SYNE1: variants seen among roughly 807,000 people sequenced by gnomAD.
SYNE1 encodes the protein nesprin-1.
A neutral mutation model predicts 1,111.0 loss-of-function variants in SYNE1; 616 were observed. The observed-to-expected ratio is 0.55, with a 90% CI of 0.52 to 0.59. The LOEUF is 0.59. Among genes scored for constraint, SYNE1 ranks in the 20% least tolerant of loss-of-function variants. The probability of loss-of-function intolerance (pLI) is 0.00; values close to 1 mark genes in which losing one functional copy is unlikely to be tolerated. For synonymous variants in SYNE1, 3,855 were observed against 3,825.8 expected (o/e 1.01, Z -0.28); for missense variants, 10,006 against 10,417.0 (o/e 0.96, Z 1.72).
chr6:152,361,228 A>C (rs1391746645), intron 64 of SYNE1, among the ~76,000 whole-genome samples: 3 of 152,350 alleles, frequency 2.0e-5, no homozygotes, highest in Admixed American at 2.0e-4. Flanking sequence ...TGGAGAGCGC[A>C]AGGGAGGAGG....
chr6:152,318,773 A>G, intron 85 of SYNE1, 90 bp downstream of exon 85: 1 of 1,513,264 alleles, frequency 6.6e-7, no homozygotes. Flanking sequence ...AAAGGTTCCT[A>G]AAAGGTTTTT....
chr6:152,340,895 G>T (rs932408252), intron 74 of SYNE1, among the ~76,000 whole-genome samples: 3 of 152,178 alleles, frequency 2.0e-5, no homozygotes, highest in South Asian at 2.1e-4. Flanking sequence ...GGCCTGACAG[G>T]GGGTGGTGGC....
At chr6:152,350,562 C>T (rs1406520052) in intron 71 of SYNE1, 56 bp downstream of exon 71, 1 of 1,610,920 alleles carries the variant, frequency 6.2e-7, no homozygotes, top group Admixed American at 1.7e-5. Context: ...AGAAAGGAGT[C>T]AGGGCCCACA....
chr6:152,153,646 T>C (rs992725734), intron 133 of SYNE1, among the ~76,000 whole-genome samples: 1 of 152,222 alleles, frequency 6.6e-6, no homozygotes, highest in African/African-American at 2.4e-5. Flanking sequence ...AGCTCTCCAC[T>C]AGCATTCATT....
chr6:152,534,365 T>C lies in SYNE1; in HGVS notation c.129+5595A>G, dbSNP rs535952787. Among the ~76,000 whole-genome samples the C allele has an allele frequency of 5.3e-4, 80 of 152,282 alleles. No individual in the cohort carries two copies. In the South Asian group the frequency reaches 0.016, roughly 30 times the overall value. ...ATAAATTAACAAATGCTATTCATTT[T>C]GAAATGGGAATTTTCCTTTATAACA... On this transcript the variant is annotated intron_variant, in intron 4 of 145. Transcript: ENST00000367255.
chr6:152,335,799 C>T (rs9383989), intron 76 of SYNE1: 23,397 of 151,890 alleles, frequency 0.15, 1,926 homozygotes, highest in East Asian at 0.25. Context: ...AAATGATTCT[C>T]GTGCCTCAGC....
intron 78 of SYNE1, among the ~76,000 whole-genome samples, chr6:152,329,468 A>C (rs555677378): frequency 4.8e-4 from 73 of 152,372 alleles, no homozygotes; most frequent in Admixed American, 1.2e-3. Flanking sequence ...CGGAGGTTGC[A>C]GTAAGCCGAG....
chr6:152,279,943 T>C (rs1297267210), intron 97 of SYNE1, among the ~76,000 whole-genome samples: 3 of 152,186 alleles, frequency 2.0e-5, no homozygotes, highest in Admixed American at 6.5e-5. Context: ...GATTTTAATT[T>C]CTTTTAAAAT....
intron 3 of SYNE1, among the ~76,000 whole-genome samples, chr6:152,615,467 T>A (rs1205643872): frequency 6.6e-6 from 1 of 152,088 alleles, no homozygotes; most frequent in Admixed American, 6.5e-5. Flanking sequence ...GAACAAAATA[T>A]ACAAAACTTT....
chr6:152,450,925 A>G (rs2098642988), intron 26 of SYNE1, 92 bp from the exon 27 acceptor site: 1 of 1,594,712 alleles, frequency 6.3e-7, no homozygotes, highest in African/African-American at 1.3e-5. Context: ...ATTCCCACGC[A>G]GACTACCAAG....
chr6:152,461,569 C>T, intron 21 of SYNE1, 28 bp downstream of exon 21: 5 of 1,613,670 alleles, frequency 3.1e-6, no homozygotes, highest in Non-Finnish European at 4.2e-6. Context: ...TGTCACACAG[C>T]CTATTGTGCA....
chr6:152,145,646 G>C, intron 137 of SYNE1: 1 of 1,199,092 alleles, frequency 8.3e-7, no homozygotes, highest in Non-Finnish European at 1.2e-6. Context: ...GGGAAAAAAA[G>C]GAAGTCAGTT....
intron 30 of SYNE1, 52 bp from the exon 31 acceptor site, chr6:152,442,297 A>G: frequency 6.2e-7 from 1 of 1,604,246 alleles, no homozygotes; most frequent in Non-Finnish European, 8.5e-7. Flanking sequence ...CTAAACAGCT[A>G]AGTAGGGACA....
chr6:152,321,709 A>C lies in SYNE1; in HGVS notation c.16083+12T>G. On this transcript the variant is annotated intron_variant, in intron 83 of 145. Transcript: ENST00000367255. ...AATGATGGGTAAAGAGAATGAGGAG[A>C]CTTTTTTGTACCTGAAGTTCTTCAA... 6.2e-7 allele frequency: 1 copy of C among 1,613,944 alleles called. No individual in the cohort carries two copies. Among genetic ancestry groups the C allele is most frequent in the Non-Finnish European group, 8.5e-7 (1 of 1,179,914 alleles).
chr6:152,408,805 T>A (rs545987198), intron 44 of SYNE1, among the ~76,000 whole-genome samples: 290 of 152,144 alleles, frequency 1.9e-3, no homozygotes, highest in South Asian at 3.5e-3. Flanking sequence ...AACACAAAAT[T>A]AGCTGGGCAT....
intron 25 of SYNE1, among the ~76,000 whole-genome samples, chr6:152,452,010 A>G: frequency 6.8e-6 from 1 of 147,072 alleles, no homozygotes; most frequent in Admixed American, 6.7e-5. Flanking sequence ...TTAAAAAGAA[A>G]AGAAAAAAAA....
chr6:152,225,657 A>C, intron 116 of SYNE1, 64 bp downstream of exon 116: 1 of 1,607,080 alleles, frequency 6.2e-7, no homozygotes, highest in Non-Finnish European at 8.5e-7. Context: ...GAAAACCAAA[A>C]CCCAGAGTTT....
intron 39 of SYNE1, among the ~76,000 whole-genome samples, chr6:152,423,842 C>G (rs1416414611): frequency 6.6e-6 from 1 of 152,154 alleles, no homozygotes; most frequent in Admixed American, 6.5e-5. Flanking sequence ...CATTTTTGCT[C>G]CCTTTGCCTG....
intron 127 of SYNE1, among the ~76,000 whole-genome samples, 165 bp from the exon 128 acceptor site, chr6:152,189,572 A>C (rs2071588062): frequency 6.6e-6 from 1 of 152,234 alleles, no homozygotes; most frequent in South Asian, 2.1e-4. Flanking sequence ...ATTTGGTTCC[A>C]GACCACTGAA....
Sources: gnomAD v4.1 joint callset for allele counts (sites outside exome capture counted in the v4.1 genomes callset) on GRCh38, gnomAD v4.1.1 for gene constraint, MANE v1.5 for transcripts, NCBI Gene and HGNC (gene_info 2026-07-23, HGNC 2026-07-21) for gene names.